Variants in PDE4D observed in about 807,000 individuals in gnomAD.
PDE4D encodes 3',5'-cyclic-AMP phosphodiesterase 4D.
PDE4D carries 24 observed loss-of-function variants against 87.4 expected under a neutral mutation model. The ratio of observed to expected loss-of-function variants is 0.27; its 90% CI spans 0.20 to 0.39. The LOEUF is 0.39. Ranked by LOEUF, PDE4D falls within the 10% of genes least tolerant of loss-of-function variation. The probability of loss-of-function intolerance (pLI) is 1.00; values close to 1 mark genes in which losing one functional copy is unlikely to be tolerated. For synonymous variants in PDE4D, 384 were observed against 383.2 expected, an observed-to-expected ratio of 1.00 and a Z score of -0.02; for missense variants, 714 against 1,041.0, an observed-to-expected ratio of 0.69 and a Z score of 4.32.
At chr5:59,793,159 T>C (rs761263522) in intron 1 of PDE4D, among the ~76,000 whole-genome samples, 8 of 152,164 alleles carry the variant, frequency 5.3e-5, no homozygotes, top group Admixed American at 2.6e-4. Context: ...ATGATTTCCA[T>C]GGGAGCAACA....
rs1449080663 is a variant in PDE4D, at chr5:59,396,943, A to C, written c.456-180975T>G. On this transcript the variant is annotated intron_variant, in intron 1 of 14. Transcript: ENST00000340635. ...GCAGGGGTTGCAATCCTGGTCTCTG[A>C]TAAAACAGACTTTAAACCAACAAAG... 1.7e-5 allele frequency among the ~76,000 whole-genome samples: 2 copies of C among 117,060 alleles called. 1 individual carries two copies. Among genetic ancestry groups the C allele is most frequent in the East Asian group, 5.5e-4 (2 of 3,644 alleles). The allele number at this position is 117,060 out of a possible 152,430, so 76.8% of individuals were successfully genotyped here. A position where few individuals can be genotyped will look rare whatever the true frequency, so the allele number is the denominator to read the frequency against.
At position 58,988,596 on chromosome 5, in the gene PDE4D, G is replaced by C. The variant is rs559360374; in HGVS notation, c.1453-4C>G. 15 of 1,421,952 alleles carry C rather than the reference G, an allele frequency of 1.1e-5. No homozygotes were observed. The allele number at this position is 1,421,952 out of a possible 1,614,324, so 88.1% of individuals were successfully genotyped here. Reference sequence around the variant, plus strand: ...TCTCCAAATCTGTAAACACAGCCTGGAAAATCAGACAATATAGATAATATT... The same window carrying C: ...TCTCCAAATCTGTAAACACAGCCTGCAAAATCAGACAATATAGATAATATT... On this transcript the variant is annotated splice_region_variant and splice_polypyrimidine_tract_variant and intron_variant, in intron 10 of 14. Transcript: ENST00000340635.
At chr5:60,286,432 C>T (rs760537634) in intron 1 of PDE4D, among the ~76,000 whole-genome samples, 1 of 152,148 alleles carries the variant, frequency 6.6e-6, no homozygotes, top group Admixed American at 6.6e-5. Context: ...GATAGACAGA[C>T]ATTTGTTTAC....
chr5:59,464,651 A>C (rs1242329747), intron 1 of PDE4D, among the ~76,000 whole-genome samples: 1 of 151,820 alleles, frequency 6.6e-6, no homozygotes, highest in Non-Finnish European at 1.5e-5. Context: ...GGGTCCCCTT[A>C]TTTCTTTCTC....
intron 1 of PDE4D, among the ~76,000 whole-genome samples, chr5:59,783,640 G>GA (rs1332332761): frequency 1.3e-5 from 2 of 152,142 alleles, no homozygotes; most frequent in Non-Finnish European, 2.9e-5. Flanking sequence ...CATTTGAAAG[G>GA]AAAAATATCA....
rs57454281 is a variant in PDE4D, at chr5:59,140,942, T to C, written c.808+39653A>G. ...CGTATTCCTTTAAAGATAAAAATTA[T>C]ATATATGCATACAAGTGCTACTTTT... On this transcript the variant is annotated intron_variant, in intron 5 of 14. Transcript: ENST00000340635. 3.1e-3 allele frequency among the ~76,000 whole-genome samples: 466 copies of C among 152,332 alleles called. 10 individuals carry two copies. The East Asian group carries it at 0.056, about 18-fold the overall frequency.
intron 2 of PDE4D, among the ~76,000 whole-genome samples, chr5:60,087,031 G>A (rs1217130731): frequency 1.3e-5 from 2 of 152,170 alleles, no homozygotes; most frequent in African/African-American, 4.8e-5. Flanking sequence ...CTGAGTTCTG[G>A]TACTCACCTG....
At chr5:60,068,944 A>G (rs1042216969) in intron 2 of PDE4D, among the ~76,000 whole-genome samples, 6 of 152,150 alleles carry the variant, frequency 3.9e-5, no homozygotes, top group African/African-American at 9.7e-5. Context: ...GCCAAGACCA[A>G]TGTCATGAAG....
At chr5:59,567,130 A>G (rs1180284948) in intron 1 of PDE4D, among the ~76,000 whole-genome samples, 1 of 152,196 alleles carries the variant, frequency 6.6e-6, no homozygotes, top group African/African-American at 2.4e-5. Flanking sequence ...ACGTTCATTG[A>G]AAGTATGGCT....
intron 1 of PDE4D, among the ~76,000 whole-genome samples, chr5:60,260,727 T>TG (rs1749563909): frequency 6.6e-6 from 1 of 152,110 alleles, no homozygotes; most frequent in African/African-American, 2.4e-5. Flanking sequence ...ATGGAGAAGA[T>TG]GAACAATCAA....
chr5:59,008,538 C>T (rs555115262), intron 6 of PDE4D, among the ~76,000 whole-genome samples: 1 of 151,944 alleles, frequency 6.6e-6, no homozygotes, highest in Non-Finnish European at 1.5e-5. Flanking sequence ...AGCATCCACT[C>T]ATAAAACAAG....
intron 1 of PDE4D, among the ~76,000 whole-genome samples, chr5:59,869,979 C>A (rs1187554325): frequency 2.0e-5 from 3 of 152,138 alleles, no homozygotes; most frequent in African/African-American, 7.2e-5. Flanking sequence ...ACATTCTAGC[C>A]TTGGCTTCTA....
intron 1 of PDE4D, among the ~76,000 whole-genome samples, chr5:59,529,523 G>A (rs1288529643): frequency 6.6e-6 from 1 of 152,140 alleles, no homozygotes; most frequent in Non-Finnish European, 1.5e-5. Flanking sequence ...CCTTTGAAGA[G>A]TCACATCATA....
chr5:59,181,541 CTGAT>C (rs1189138899), intron 4 of PDE4D, among the ~76,000 whole-genome samples: 2 of 60,838 alleles, frequency 3.3e-5, no homozygotes, highest in African/African-American at 1.3e-4. Context: ...TCAAAGATGT[CTGAT>C]ATATATATAT....
chr5:59,498,733 A>G (rs981181836), intron 1 of PDE4D, among the ~76,000 whole-genome samples: 1 of 152,142 alleles, frequency 6.6e-6, no homozygotes, highest in African/African-American at 2.4e-5. Flanking sequence ...AGACTTAACT[A>G]TCCTAAATAT....
rs766209844 is a variant in PDE4D at position 59,558,408 on chromosome 5, C to T, written c.455+334760G>A. ...GTGAAGCCTTGAAGGAAGTGAGCCACGCAGATAACTGGGTAAAAGCATATC... is the reference window on the plus strand; with the variant it reads ...GTGAAGCCTTGAAGGAAGTGAGCCATGCAGATAACTGGGTAAAAGCATATC... On this transcript the variant is annotated intron_variant, in intron 1 of 14. Transcript: ENST00000340635. 2.5e-4 allele frequency among the ~76,000 whole-genome samples: 38 copies of T among 151,722 alleles called. 1 individual carries two copies. The highest frequency in any genetic ancestry group is 5.2e-4 in the Non-Finnish European group (35 of 67,948).
At chr5:59,955,992 C>G (rs543606509) in intron 3 of PDE4D, among the ~76,000 whole-genome samples, 120 of 152,304 alleles carry the variant, frequency 7.9e-4, no homozygotes, top group African/African-American at 2.7e-3. Flanking sequence ...ATAGGATACT[C>G]TTTCTGGAAG....
intron 1 of PDE4D, among the ~76,000 whole-genome samples, chr5:60,433,972 T>C (rs962884189): frequency 6.6e-6 from 1 of 152,116 alleles, no homozygotes; most frequent in African/African-American, 2.4e-5. Context: ...TATTGGGTAC[T>C]ATGCTCATTA....
At chr5:59,009,060 A>G (rs2153363098) in intron 6 of PDE4D, among the ~76,000 whole-genome samples, 2 of 152,278 alleles carry the variant, frequency 1.3e-5, no homozygotes, top group Non-Finnish European at 2.9e-5. Flanking sequence ...TAAAATACAA[A>G]ATACAAACAA....
Sources: gnomAD v4.1 joint callset for allele counts (sites outside exome capture counted in the v4.1 genomes callset) on GRCh38, gnomAD v4.1.1 for gene constraint, MANE v1.5 for transcripts, NCBI Gene and HGNC (gene_info 2026-07-23, HGNC 2026-07-21) for gene names.